RASGEF1B: variants seen among roughly 807,000 people sequenced by gnomAD.
RASGEF1B encodes the protein ras-GEF domain-containing family member 1B.
A neutral mutation model predicts 65.7 loss-of-function variants in RASGEF1B; 30 were observed. The ratio of observed to expected loss-of-function variants is 0.46; its 90% CI spans 0.34 to 0.62. The LOEUF (loss-of-function observed/expected upper bound fraction) is 0.62, where lower values mean the gene tolerates loss of function less well. Ranked by LOEUF, RASGEF1B falls within the 20% of genes least tolerant of loss-of-function variation. RASGEF1B has a pLI of 0.01. For synonymous variants in RASGEF1B, 175 were observed against 194.8 expected, an observed-to-expected ratio of 0.90 and a Z score of 0.85; for missense variants, 495 against 580.1, an observed-to-expected ratio of 0.85 and a Z score of 1.51.
Position 81,461,258 on chromosome 4 carries a change from T to A in RASGEF1B, c.-6-1744A>T, listed in dbSNP as rs193148892. The stretch of plus-strand genomic sequence containing the variant: ...TTGCCCTGAGAAACTCATAGTGCCC[T>A]CAAACGAGGAGGCAGGGACGTGAGA... On this transcript the variant is annotated intron_variant, in intron 1 of 13. Coordinates refer to ENST00000264400, the MANE Select transcript of RASGEF1B (RefSeq NM_152545.3). 1.2e-3 allele frequency among the ~76,000 whole-genome samples: 187 copies of A among 151,772 alleles called. 2 individuals are homozygous for A. Among genetic ancestry groups the A allele is most frequent in the Middle Eastern group, 6.8e-3 (2 of 292 alleles).
intron 1 of RASGEF1B, among the ~76,000 whole-genome samples, chr4:81,464,857 G>A (rs566471385): frequency 6.6e-6 from 1 of 152,190 alleles, no homozygotes; most frequent in Admixed American, 6.5e-5. Context: ...GGCTGAGGCG[G>A]GCGGATTACT....
intron 1 of RASGEF1B, 77 bp downstream of exon 1, chr4:81,471,693 C>G (rs1043684918): frequency 6.6e-6 from 1 of 152,650 alleles, no homozygotes; most frequent in African/African-American, 2.4e-5. Context: ...GAGCGCAGCG[C>G]GCAGTAGGGT....
intron 4 of RASGEF1B, chr4:81,453,008 A>G (rs930970504): frequency 6.6e-6 from 1 of 151,998 alleles, no homozygotes; most frequent in Non-Finnish European, 1.5e-5. Flanking sequence ...AAAGGAGAAA[A>G]AAAAAAAAAA....
intron 5 of RASGEF1B, among the ~76,000 whole-genome samples, 192 bp from the exon 6 acceptor site, chr4:81,447,770 C>T (rs1279011678): frequency 6.6e-6 from 1 of 152,026 alleles, no homozygotes; most frequent in Non-Finnish European, 1.5e-5. Flanking sequence ...CAATGTTCCA[C>T]AAGATAGTGA....
At chr4:81,450,928 A>T (rs996600039) in intron 4 of RASGEF1B, 1 of 152,200 alleles carries the variant, frequency 6.6e-6, no homozygotes, top group Non-Finnish European at 1.5e-5. Flanking sequence ...TCCTTTGTCC[A>T]AAATGTCATA....
At chr4:81,455,861 T>C (rs1186969947) in intron 4 of RASGEF1B, 4 of 152,304 alleles carry the variant, frequency 2.6e-5, no homozygotes, top group African/African-American at 9.6e-5. Flanking sequence ...ACTGGAAGAC[T>C]TGCCTCATTT....
intron 4 of RASGEF1B, chr4:81,451,796 C>G (rs1252155495): frequency 2.0e-5 from 3 of 152,164 alleles, no homozygotes; most frequent in African/African-American, 7.2e-5. Context: ...TATTCTATGC[C>G]TCAGCTGCTA....
chr4:81,464,692 C>T (rs2109997011), intron 1 of RASGEF1B, among the ~76,000 whole-genome samples: 1 of 152,260 alleles, frequency 6.6e-6, no homozygotes, highest in South Asian at 2.1e-4. Context: ...CTGACCTGCA[C>T]AGAACCTAGA....
At chr4:81,430,268 T>C (rs1721381414) in intron 13 of RASGEF1B, among the ~76,000 whole-genome samples, 1 of 152,088 alleles carries the variant, frequency 6.6e-6, no homozygotes, top group East Asian at 1.9e-4. Flanking sequence ...CCCACTGCAC[T>C]CCAGCCTGGG....
intron 4 of RASGEF1B, chr4:81,454,704 T>C (rs572035083): frequency 6.6e-6 from 1 of 152,320 alleles, no homozygotes; most frequent in Non-Finnish European, 1.5e-5. Flanking sequence ...ATAACCGTCA[T>C]AACTTGCACA....
chr4:81,451,608 T>C (rs947548684), intron 4 of RASGEF1B: 1 of 152,248 alleles, frequency 6.6e-6, no homozygotes. Context: ...TTGCTTTGTA[T>C]GAATTCTTTT....
chr4:81,459,607 A>C, intron 1 of RASGEF1B, 93 bp from the exon 2 acceptor site: 1 of 943,502 alleles, frequency 1.1e-6, no homozygotes, highest in Non-Finnish European at 1.5e-6. Context: ...TTTAATAGTA[A>C]CGAGAGAATA....
chr4:81,437,258 T>C (rs1187288055), intron 10 of RASGEF1B, among the ~76,000 whole-genome samples: 2 of 152,184 alleles, frequency 1.3e-5, no homozygotes, highest in Non-Finnish European at 2.9e-5. Flanking sequence ...AAAATAATAA[T>C]ATTTCAAGAT....
chr4:81,458,248 C>T (rs561355457), intron 2 of RASGEF1B, among the ~76,000 whole-genome samples: 43 of 152,150 alleles, frequency 2.8e-4, no homozygotes, highest in Non-Finnish European at 5.1e-4. Flanking sequence ...TCCTAAGAAG[C>T]CAATAATGAA....
At chr4:81,443,512 C>T (rs139163340) in intron 8 of RASGEF1B, among the ~76,000 whole-genome samples, 14 of 152,290 alleles carry the variant, frequency 9.2e-5, no homozygotes, top group Middle Eastern at 3.4e-3. Flanking sequence ...CCTAGAACTT[C>T]GTATCAATGA....
At chr4:81,429,615 G>A (rs758398683) in intron 13 of RASGEF1B, among the ~76,000 whole-genome samples, 2 of 152,302 alleles carry the variant, frequency 1.3e-5, no homozygotes, top group African/African-American at 4.8e-5. Flanking sequence ...CGAGACCGCC[G>A]GCAGACAGAC....
chr4:81,428,798 A>G (rs1428571879), intron 13 of RASGEF1B, among the ~76,000 whole-genome samples: 1 of 152,208 alleles, frequency 6.6e-6, no homozygotes, highest in Non-Finnish European at 1.5e-5. Flanking sequence ...TATACCAGGG[A>G]CTAGAGCATC....
At chr4:81,442,417 A>G in intron 8 of RASGEF1B, 41 bp from the exon 9 acceptor site, 1 of 1,146,406 alleles carries the variant, frequency 8.7e-7, no homozygotes, top group Non-Finnish European at 1.3e-6. Flanking sequence ...AGGAAAATTG[A>G]AAGAGAGAAA....
rs763696195 is a variant in RASGEF1B, at chr4:81,432,319, T to C, written c.1377A>G (p.Lys459=). The C allele has an allele frequency of 4.3e-6, 7 of 1,609,238 alleles. No individual in the cohort carries two copies. Among genetic ancestry groups the C allele is most frequent in the South Asian group, 1.1e-5 (1 of 90,766 alleles). ...ESEGPENHIE[K]DRWKSLRSSL... is the part of the protein sequence containing the mutation. ...CCCACCTTAAAGACTTCCATCTGTCTTTCTCTATATGATTTTCAGGTCCTT... is the reference window on the plus strand; with the variant it reads ...CCCACCTTAAAGACTTCCATCTGTCCTTCTCTATATGATTTTCAGGTCCTT... Residue 459 remains lysine, a synonymous_variant, in exon 13 of 14, where the codon AAA becomes AAG. Coordinates refer to ENST00000264400, the MANE Select transcript of RASGEF1B (RefSeq NM_152545.3).
Sources: allele counts gnomAD v4.1 joint callset (sites outside exome capture counted in the v4.1 genomes callset), GRCh38; gene constraint gnomAD v4.1.1; transcripts MANE v1.5; gene names NCBI Gene and HGNC (gene_info 2026-07-23, HGNC 2026-07-21).